Variants in CPT1C observed in about 807,000 individuals in gnomAD.
CPT1C encodes the protein carnitine palmitoyltransferase 1C, also known as palmitoyl thioesterase CPT1C.
In CPT1C, 61 loss-of-function variants were observed where a neutral mutation model predicts 97.3. The observed-to-expected ratio is 0.63, with a 90% CI of 0.51 to 0.78. The LOEUF (loss-of-function observed/expected upper bound fraction) is 0.78. CPT1C is among the 30% of genes least tolerant of loss of function. The probability of loss-of-function intolerance (pLI) is 0.00; values close to 1 mark genes in which losing one functional copy is unlikely to be tolerated. For synonymous variants in CPT1C, 469 were observed against 447.2 expected, an observed-to-expected ratio of 1.05 and a Z score of -0.61; for missense variants, 975 against 1,065.5, an observed-to-expected ratio of 0.92 and a Z score of 1.18.
chr19:49,709,323 C>T (rs2083701944), intron 14 of CPT1C, among the ~76,000 whole-genome samples: 1 of 151,530 alleles, frequency 6.6e-6, no homozygotes, highest in South Asian at 2.1e-4. Context: ...CCAACTCATC[C>T]CATACCCAAC....
In CPT1C at chr19:49,700,763, A is replaced by C; in HGVS notation, c.361A>C (p.Thr121Pro). ...ASCLWGALIF[T>P]LHVALRLLLS... ...GTGTTTGTGGGGAGCCCTGATCTTC[A>C]CACTGCACGTGGCCCTGAGGCTGCT... Residue 121 changes from threonine to proline, a missense_variant, in exon 5 of 20, where the codon ACA (threonine) becomes CCA (proline). Around this residue, in one of 3 missense-constraint regions of CPT1C, gnomAD observed 596 missense variants for 603.1 expected, o/e 0.99. Transcript: ENST00000598293. 1 of 1,613,164 alleles carries C rather than the reference A, an allele frequency of 6.2e-7. No individual in the cohort carries two copies. The highest frequency in any genetic ancestry group is 8.5e-7 in the Non-Finnish European group (1 of 1,179,976).
In CPT1C at chr19:49,701,433, G is replaced by C; in HGVS notation, c.555+15G>C. On this transcript the variant is annotated intron_variant, in intron 6 of 19. Coordinates refer to ENST00000598293, the MANE Select transcript of CPT1C (RefSeq NM_001199753.2). ...CCGTGCGCAAGGTGGGCCTGGGAGC[G>C]CGCAGACGGGCTGGGGCGGCCGGGG... 2.5e-6 allele frequency: 4 copies of C among 1,595,916 alleles called. No homozygotes were observed. The highest frequency in any genetic ancestry group is 1.7e-6 in the Non-Finnish European group (2 of 1,168,746).
chr19:49,695,633 G>A (rs551448206), intron 3 of CPT1C, among the ~76,000 whole-genome samples: 2 of 143,630 alleles, frequency 1.4e-5, no homozygotes, highest in Non-Finnish European at 3.0e-5. Context: ...TTGCCAGGCT[G>A]GAGTGCAGTG....
rs908447506 is a variant in CPT1C at position 49,691,328 on chromosome 19, T to G, written c.-96T>G. 5 of 152,060 alleles carry G rather than the reference T, an allele frequency of 3.3e-5. No individual in the cohort carries two copies. Among genetic ancestry groups the G allele is most frequent in the African/African-American group, 1.2e-4 (5 of 41,378 alleles). 9.4% of individuals were successfully genotyped at this position (152,060 alleles called of 1,614,324 possible). On this transcript the variant is annotated 5_prime_UTR_variant, in exon 1 of 20. Coordinates refer to ENST00000598293, the MANE Select transcript of CPT1C (RefSeq NM_001199753.2). ...ACCCCAGGATCCGATCAGCGGACCC[T>G]TGATTCAACGTGGTAAGTACTGGAC...
chr19:49,706,241 G>A lies in CPT1C; in HGVS notation c.1171G>A (p.Ala391Thr). 6.5e-7 allele frequency: 1 copy of A among 1,536,984 alleles called. No homozygotes were observed. Among genetic ancestry groups the A allele is most frequent in the East Asian group, 2.3e-5 (1 of 43,336 alleles). Residue 391 changes from alanine to threonine, a missense_variant, in exon 12 of 20, where the codon GCC becomes ACC. Coordinates refer to ENST00000598293, the MANE Select transcript of CPT1C (RefSeq NM_001199753.2). This position sits in a 1 kb window ranked among gnomAD's most constrained non-coding sequence, Gnocchi z 4.8. ...TCCCGGGCCCTCCAGGGGCACGTGGGCCCAGGTGCGGACATCCCTGAAGAC... is the reference window on the plus strand; with the variant it reads ...TCCCGGGCCCTCCAGGGGCACGTGGACCCAGGTGCGGACATCCCTGAAGAC... ...ALTAAPRGTW[A>T]QVRTSLKTQA...
At position 49,708,724 on chromosome 19, in the gene CPT1C, T is replaced by C; in HGVS notation, c.1451T>C (p.Phe484Ser). The change falls in exon 14 of 20, where the codon TTC becomes TCC. Residue 484 changes from phenylalanine (F) to serine (S), a missense_variant and splice_region_variant. Phe to Ser is a radical substitution (Grantham distance 155). Around this residue, in one of 3 missense-constraint regions of CPT1C, gnomAD observed 35 missense variants for 66.6 expected, o/e 0.53. Transcript: ENST00000598293. ...DCPISGHMWE[F>S]TLATECFQLG... ...CTAACAGCCTCTGTTTGCCCACAGT[T>C]CACTCTGGCTACAGAATGCTTTCAG... The C allele has an allele frequency of 6.2e-7, 1 of 1,612,400 alleles. No homozygotes were observed. Among genetic ancestry groups the C allele is most frequent in the Non-Finnish European group, 8.5e-7 (1 of 1,178,524 alleles).
Position 49,706,133 on chromosome 19 carries a change from C to T in CPT1C, c.1160+29C>T, listed in dbSNP as rs762624670. The T allele has an allele frequency of 6.9e-6, 11 of 1,593,666 alleles. No homozygotes were observed. The South Asian group carries it at 1.2e-4, about 18-fold the overall frequency. Reference sequence around the variant, plus strand: ...AGGGTCAGGGGTCAGGGGTCAGGGGCTCTCAGAGGCCGCCAGTGTCCTGAG... The same window carrying T: ...AGGGTCAGGGGTCAGGGGTCAGGGGTTCTCAGAGGCCGCCAGTGTCCTGAG... On this transcript the variant is annotated intron_variant, in intron 11 of 19. Transcript: ENST00000598293. The surrounding 1 kb of genome is among the most constrained non-coding windows in gnomAD (Gnocchi z 4.8).
intron 3 of CPT1C, among the ~76,000 whole-genome samples, chr19:49,694,017 A>G (rs1262463997): frequency 6.6e-6 from 1 of 152,002 alleles, no homozygotes; most frequent in Non-Finnish European, 1.5e-5. Context: ...GTGAGCCAAG[A>G]TGGCGCCACT....
chr19:49,693,375 C>T (rs902860645), intron 3 of CPT1C, among the ~76,000 whole-genome samples: 1 of 152,008 alleles, frequency 6.6e-6, no homozygotes. Flanking sequence ...CTGACTCCAC[C>T]GCTTAGTAGC....
chr19:49,694,708 T>C (rs1368834698), intron 3 of CPT1C, among the ~76,000 whole-genome samples: 4 of 151,624 alleles, frequency 2.6e-5, no homozygotes, highest in Non-Finnish European at 4.4e-5. Flanking sequence ...CAGGCTAAAC[T>C]GAACCTCTGT....
Position 49,706,131 on chromosome 19 carries a change from G to T in CPT1C, c.1160+27G>T, listed in dbSNP as rs761825439. On this transcript the variant is annotated intron_variant, in intron 11 of 19. Coordinates refer to ENST00000598293, the MANE Select transcript of CPT1C (RefSeq NM_001199753.2). The surrounding 1 kb of genome is among the most constrained non-coding windows in gnomAD (Gnocchi z 4.8). ...TAAGGGTCAGGGGTCAGGGGTCAGG[G>T]GCTCTCAGAGGCCGCCAGTGTCCTG... 1 of 1,594,582 alleles carries T rather than the reference G, an allele frequency of 6.3e-7. No individual in the cohort carries two copies. Among genetic ancestry groups the T allele is most frequent in the African/African-American group, 1.3e-5 (1 of 74,410 alleles).
At position 49,706,367 on chromosome 19, in the gene CPT1C, T is replaced by C. The variant is rs1391549705; in HGVS notation, c.1297T>C (p.Leu433=). The C allele has an allele frequency of 4.9e-5, 74 of 1,509,338 alleles. No individual in the cohort carries two copies. Among genetic ancestry groups the C allele is most frequent in the Non-Finnish European group, 6.4e-5 (73 of 1,134,256 alleles). 93.5% of individuals were successfully genotyped at this position (1,509,338 alleles called of 1,614,324 possible). ...CACCAGGGAGGACCCGGCAGCGTCGTTGGATGCCTACGCCCATGCTCTGCT... is the reference window on the plus strand; with the variant it reads ...CACCAGGGAGGACCCGGCAGCGTCGCTGGATGCCTACGCCCATGCTCTGCT... ...GLTREDPAAS[L]DAYAHALLAG... The change falls in exon 12 of 20, where the codon TTG becomes CTG. Residue 433 remains leucine, a synonymous_variant. Transcript: ENST00000598293. The surrounding 1 kb of genome is among the most constrained non-coding windows in gnomAD (Gnocchi z 4.8).
rs961177119 is a variant in CPT1C at position 49,710,482 on chromosome 19, C to T, written c.1729C>T (p.Arg577Trp). Reference sequence around the variant, plus strand: ...GATCGCCTTGCAACTGGCCCACTTCCGGGTCAGTTGGGTTCCCCATCCACA... The same window carrying T: ...GATCGCCTTGCAACTGGCCCACTTCTGGGTCAGTTGGGTTCCCCATCCACA... Reference protein sequence around the residue: ...IQIALQLAHFRDRGQFCLTYE... With the variant: ...IQIALQLAHFWDRGQFCLTYE... Residue 577 changes from arginine to tryptophan, a missense_variant and splice_region_variant, in exon 15 of 20, where the codon CGG becomes TGG. Physicochemically the swap from Arg to Trp is moderately radical, Grantham distance 101. Coordinates refer to ENST00000598293, the MANE Select transcript of CPT1C (RefSeq NM_001199753.2). The T allele has an allele frequency of 7.4e-6, 12 of 1,614,056 alleles. No individual in the cohort carries two copies. The highest frequency in any genetic ancestry group is 3.3e-5 in the Admixed American group (2 of 60,000).
intron 18 of CPT1C, 38 bp downstream of exon 18, chr19:49,712,887 A>T: frequency 6.3e-7 from 1 of 1,593,258 alleles, no homozygotes; most frequent in Non-Finnish European, 8.6e-7. Context: ...CAGAGGAAAG[A>T]GGGGGCTGGG....
rs140190788 is a variant in CPT1C at position 49,700,244 on chromosome 19, C to T, written c.282-440C>T. 6.9e-3 allele frequency among the ~76,000 whole-genome samples: 925 copies of T among 134,718 alleles called. 6 individuals are homozygous for T. Among genetic ancestry groups the T allele is most frequent in the Non-Finnish European group, 0.011 (700 of 64,438 alleles). The allele number at this position is 134,718 out of a possible 152,430, so 88.4% of individuals were successfully genotyped here. On this transcript the variant is annotated intron_variant, in intron 4 of 19. Coordinates refer to ENST00000598293, the MANE Select transcript of CPT1C (RefSeq NM_001199753.2). Reference sequence around the variant, plus strand: ...CCTGGGCGACAGAGCGAGACTCCATCCCAAAAACAAAACAAAACAAAAAAA... The same window carrying T: ...CCTGGGCGACAGAGCGAGACTCCATTCCAAAAACAAAACAAAACAAAAAAA...
At position 49,700,944 on chromosome 19, in the gene CPT1C, G is replaced by A. The variant is rs558080750; in HGVS notation, c.453+89G>A. The A allele has an allele frequency of 1.7e-4, 240 of 1,412,716 alleles. 1 individual carries two copies. In the African/African-American group the frequency reaches 2.7e-3, roughly 16 times the overall value. 87.5% of individuals were successfully genotyped at this position (1,412,716 alleles called of 1,614,324 possible). A position where few individuals can be genotyped will look rare whatever the true frequency, so the allele number is the denominator to read the frequency against. The stretch of plus-strand genomic sequence containing the variant: ...TGGGTCTCTGTCCCCCTCTCTCTGG[G>A]TCTCTGTCCCTCTCTCTCTGGGTCT... On this transcript the variant is annotated intron_variant, in intron 5 of 19. Transcript: ENST00000598293.
chr19:49,712,609 G>A, intron 17 of CPT1C, 127 bp from the exon 18 acceptor site: 1 of 689,342 alleles, frequency 1.5e-6, no homozygotes. Context: ...GGAGAAGGGC[G>A]TGGTTAGGGA....
At chr19:49,703,070 TACACACACACAC>T (rs72113209) in intron 7 of CPT1C, among the ~76,000 whole-genome samples, 6 of 144,338 alleles carry the variant, frequency 4.2e-5, no homozygotes, top group Non-Finnish European at 4.5e-5. Flanking sequence ...AGATTCTGTT[TACACACACACAC>T]ACACACACAC....
At chr19:49,709,449 T>C (rs2083711919) in intron 14 of CPT1C, among the ~76,000 whole-genome samples, 1 of 150,842 alleles carries the variant, frequency 6.6e-6, no homozygotes. Context: ...CCCCGTTCTA[T>C]TCCCAAACCA....
Sources: allele counts gnomAD v4.1 joint callset (sites outside exome capture counted in the v4.1 genomes callset), GRCh38; gene constraint gnomAD v4.1.1; regional missense constraint gnomAD v4.1.1; non-coding constraint Gnocchi (gnomAD v3.1); transcripts MANE v1.5; gene names NCBI Gene and HGNC (gene_info 2026-07-23, HGNC 2026-07-21).